The following LRMDA variants were observed in gnomAD, a reference collection of about 807,000 sequenced individuals.
LRMDA encodes the protein leucine rich melanocyte differentiation associated.
Under a neutral mutation model 29.8 loss-of-function variants are expected in LRMDA, and 18 were observed. The observed-to-expected ratio is 0.60, with a 90% CI of 0.42 to 0.90. LRMDA has a LOEUF of 0.90. Among genes scored for constraint, LRMDA ranks in the 40% least tolerant of loss-of-function variants. The probability of loss-of-function intolerance (pLI) is 0.00; values close to 1 mark genes in which losing one functional copy is unlikely to be tolerated. For missense variants in LRMDA, 273 were observed against 273.9 expected (o/e 1.00, Z 0.02); for synonymous variants, 125 against 109.4 (o/e 1.14, Z -0.89).
chr10:76,054,571 G>T (rs1263740461), intron 4 of LRMDA, among the ~76,000 whole-genome samples: 1 of 151,678 alleles, frequency 6.6e-6, no homozygotes, highest in African/African-American at 2.4e-5. Flanking sequence ...AACATTGGCT[G>T]ATTTTCTAAT....
intron 2 of LRMDA, among the ~76,000 whole-genome samples, chr10:75,519,641 C>G (rs969430461): frequency 7.4e-4 from 112 of 152,258 alleles, no homozygotes; most frequent in African/African-American, 2.5e-3. Flanking sequence ...TCCAATTTGC[C>G]AGTCTGTGTC....
intron 6 of LRMDA, among the ~76,000 whole-genome samples, chr10:76,541,976 G>A (rs758817952): frequency 2.6e-5 from 4 of 152,090 alleles, no homozygotes; most frequent in South Asian, 2.1e-4. Flanking sequence ...CTTTTTAAAT[G>A]AGTCATACTT....
chr10:75,914,648 T>C (rs1254111381), intron 2 of LRMDA, among the ~76,000 whole-genome samples: 1 of 152,238 alleles, frequency 6.6e-6, no homozygotes, highest in African/African-American at 2.4e-5. Context: ...ATGGTCAAGA[T>C]ATCACCTAGA....
At chr10:76,450,773 G>T (rs1233741772) in intron 6 of LRMDA, among the ~76,000 whole-genome samples, 1 of 151,854 alleles carries the variant, frequency 6.6e-6, no homozygotes, top group Non-Finnish European at 1.5e-5. Flanking sequence ...TCTTAATTCG[G>T]CCAGTTTACT....
intron 5 of LRMDA, among the ~76,000 whole-genome samples, chr10:76,276,073 TTC>T (rs553076361): frequency 3.1e-4 from 46 of 150,314 alleles, no homozygotes; most frequent in Admixed American, 6.6e-4. Flanking sequence ...CTCTCTTTCT[TTC>T]TCTCTCTTTC....
intron 5 of LRMDA, among the ~76,000 whole-genome samples, chr10:76,132,626 A>C (rs1014003229): frequency 6.6e-6 from 1 of 152,176 alleles, no homozygotes; most frequent in Admixed American, 6.5e-5. Context: ...AGATTTCTGC[A>C]GACTGGGAAA....
In LRMDA at chr10:76,281,591, A is replaced by G. The variant is rs137952509; in HGVS notation, c.517-42810A>G. 8.5e-5 allele frequency among the ~76,000 whole-genome samples: 13 copies of G among 152,168 alleles called. No individual in the cohort carries two copies. The East Asian group carries it at 2.5e-3, about 29-fold the overall frequency. On this transcript the variant is annotated intron_variant, in intron 5 of 6. Coordinates refer to ENST00000611255, the MANE Select transcript of LRMDA (RefSeq NM_001305581.2). ...CCCCCAACCCCCCCATCATCCATGA[A>G]TTTTCTTCAGTTCAAAGAGACATGG...
At chr10:76,283,802 G>A (rs1840236437) in intron 5 of LRMDA, among the ~76,000 whole-genome samples, 2 of 152,118 alleles carry the variant, frequency 1.3e-5, no homozygotes, top group African/African-American at 2.4e-5. Context: ...CCCACAGCCT[G>A]TGTTCTTTGC....
At chr10:75,702,717 G>T (rs1842323591) in intron 2 of LRMDA, among the ~76,000 whole-genome samples, 1 of 152,180 alleles carries the variant, frequency 6.6e-6, no homozygotes, top group Admixed American at 6.5e-5. Flanking sequence ...ACAAATAAAA[G>T]ATGTAAGAGT....
intron 6 of LRMDA, among the ~76,000 whole-genome samples, chr10:76,495,661 A>G (rs1001404546): frequency 1.3e-5 from 2 of 151,886 alleles, no homozygotes; most frequent in African/African-American, 4.8e-5. Context: ...GTCTTTTAAA[A>G]TTACTTTCAC....
intron 2 of LRMDA, among the ~76,000 whole-genome samples, chr10:75,456,800 C>G (rs193006037): frequency 6.9e-4 from 105 of 152,228 alleles, no homozygotes; most frequent in South Asian, 4.8e-3. Flanking sequence ...CTCAGCCTCC[C>G]GAGTAGCTGG....
At chr10:75,628,328 G>A (rs867462093) in intron 2 of LRMDA, among the ~76,000 whole-genome samples, 6 of 152,208 alleles carry the variant, frequency 3.9e-5, no homozygotes, top group African/African-American at 1.4e-4. Context: ...ACACTGGTCT[G>A]TGACTTGAGC....
chr10:75,555,107 G>A (rs1840198379), intron 2 of LRMDA, among the ~76,000 whole-genome samples: 1 of 152,142 alleles, frequency 6.6e-6, no homozygotes, highest in African/African-American at 2.4e-5. Context: ...GAGGAGTTTG[G>A]TGGGCCCTGG....
At chr10:75,519,868 G>A in intron 2 of LRMDA, among the ~76,000 whole-genome samples, 1 of 152,200 alleles carries the variant, frequency 6.6e-6, no homozygotes, top group East Asian at 1.9e-4. Flanking sequence ...CTGTAAGGCA[G>A]TTCTGGTGGT....
chr10:75,678,798 G>A (rs145624709), intron 2 of LRMDA, among the ~76,000 whole-genome samples: 20 of 152,248 alleles, frequency 1.3e-4, no homozygotes, highest in African/African-American at 4.8e-4. Context: ...AGATAGTGCG[G>A]GTATAGTGAG....
intron 5 of LRMDA, among the ~76,000 whole-genome samples, chr10:76,071,829 T>G (rs899617014): frequency 6.6e-6 from 1 of 152,198 alleles, no homozygotes; most frequent in Admixed American, 6.5e-5. Context: ...GCCTCAGGAG[T>G]CACGTCAAAA....
At chr10:76,547,239 G>A (rs1411762706) in intron 6 of LRMDA, among the ~76,000 whole-genome samples, 1 of 151,990 alleles carries the variant, frequency 6.6e-6, no homozygotes, top group African/African-American at 2.4e-5. Flanking sequence ...CTTTACATTT[G>A]TGGAGGTGAT....
rs538465845 is a variant in LRMDA at position 75,850,145 on chromosome 10, G to A, written c.132-185863G>A. On this transcript the variant is annotated intron_variant, in intron 2 of 6. Coordinates refer to ENST00000611255, the MANE Select transcript of LRMDA (RefSeq NM_001305581.2). ...TAATAAGACTGTATTTATTATATGAGCACCTTGATGGTCTGGCATCAGGCC... is the reference window on the plus strand; with the variant it reads ...TAATAAGACTGTATTTATTATATGAACACCTTGATGGTCTGGCATCAGGCC... 6.8e-4 allele frequency among the ~76,000 whole-genome samples: 104 copies of A among 152,246 alleles called. No homozygotes were observed. The Middle Eastern group carries it at 0.01, about 15-fold the overall frequency.
intron 2 of LRMDA, among the ~76,000 whole-genome samples, chr10:76,022,704 G>T (rs1847995037): frequency 6.6e-6 from 1 of 152,116 alleles, no homozygotes; most frequent in South Asian, 2.1e-4. Flanking sequence ...TGCTCCACCA[G>T]CTCCATGTGG....
Sources: gnomAD v4.1 joint callset for allele counts (sites outside exome capture counted in the v4.1 genomes callset) on GRCh38, gnomAD v4.1.1 for gene constraint, MANE v1.5 for transcripts, NCBI Gene and HGNC (gene_info 2026-07-23, HGNC 2026-07-21) for gene names.